MBTPS2: variants seen among roughly 807,000 people sequenced by gnomAD.
The protein encoded by MBTPS2 is membrane bound transcription factor peptidase, site 2.
A neutral mutation model predicts 35.4 loss-of-function variants in MBTPS2; 2 were observed. That is an observed-to-expected ratio of 0.06 (90% CI 0.02 to 0.18). The LOEUF (loss-of-function observed/expected upper bound fraction) is 0.18, where lower values mean the gene tolerates loss of function less well. Ranked by LOEUF, MBTPS2 falls within the 10% of genes least tolerant of loss-of-function variation. The probability of loss-of-function intolerance (pLI) is 1.00; values close to 1 mark genes in which losing one functional copy is unlikely to be tolerated. For missense variants in MBTPS2, 244 were observed against 386.5 expected, an observed-to-expected ratio of 0.63 and a Z score of 3.09; for synonymous variants, 125 against 140.4, an observed-to-expected ratio of 0.89 and a Z score of 0.77.
intron 5 of MBTPS2, among the ~76,000 whole-genome samples, chrX:21,862,937 T>C (rs1172910395): frequency 3.8e-5 from 1 of 26,534 alleles, no homozygotes; most frequent in African/African-American, 3.1e-4. Flanking sequence ...TATAAACATA[T>C]ATATATATAT....
Position 21,862,864 on chromosome X carries a change from A to G in MBTPS2, c.671-5603A>G, listed in dbSNP as rs575062535. Among the ~76,000 whole-genome samples, 431 of 91,193 alleles carry G rather than the reference A, an allele frequency of 4.7e-3. 3 individuals are homozygous for G. Among genetic ancestry groups the G allele is most frequent in the Middle Eastern group, 0.011 (2 of 190 alleles). 79.2% of individuals were successfully genotyped at this position (91,193 alleles called of 115,157 possible). ...AACATATATATATATACACATATATATAAACATATATAAATATATATACAC... is the reference window on the plus strand; with the variant it reads ...AACATATATATATATACACATATATGTAAACATATATAAATATATATACAC... On this transcript the variant is annotated intron_variant, in intron 5 of 10. Transcript: ENST00000379484.
At chrX:21,874,020 CT>C (rs57913652) in intron 7 of MBTPS2, among the ~76,000 whole-genome samples, 9,016 of 50,766 alleles carry the variant, frequency 0.18, 566 homozygotes, top group East Asian at 0.34. Flanking sequence ...TATATATATA[CT>C]TTTTTTTTTT....
chrX:21,877,022 A>G (rs1307882777), intron 7 of MBTPS2, among the ~76,000 whole-genome samples: 1 of 111,957 alleles, frequency 8.9e-6, no homozygotes. Flanking sequence ...ATACTTTACC[A>G]GTTTGATGTG....
intron 5 of MBTPS2, among the ~76,000 whole-genome samples, chrX:21,862,836 A>T (rs1451815163): frequency 1.1e-3 from 108 of 94,789 alleles, no homozygotes; most frequent in Non-Finnish European, 1.3e-3. Flanking sequence ...TATATATATA[A>T]AAAACATATA....
chrX:21,866,606 T>A (rs1305065107), intron 5 of MBTPS2, among the ~76,000 whole-genome samples: 1 of 111,783 alleles, frequency 8.9e-6, no homozygotes, highest in South Asian at 3.7e-4. Flanking sequence ...AGGGCCTATA[T>A]AGAGAAACTA....
Position 21,839,619 on chromosome X carries a change from C to G in MBTPS2, c.-116C>G. On this transcript the variant is annotated 5_prime_UTR_variant, in exon 1 of 11. Coordinates refer to ENST00000379484, the MANE Select transcript of MBTPS2 (RefSeq NM_015884.4). The stretch of plus-strand genomic sequence containing the variant: ...CGTGCCACCGCAAGGAAGGAGCCGG[C>G]GGTAGCTTGGTTCCTGAGCGGATGC... The G allele has an allele frequency of 1.3e-6, 1 of 744,041 alleles. No individual in the cohort carries two copies. The highest frequency in any genetic ancestry group is 2.0e-6 in the Non-Finnish European group (1 of 489,219). The allele number at this position is 744,041 out of a possible 1,213,427, so 61.3% of individuals were successfully genotyped here.
At chrX:21,849,229 A>G (rs188836460) in intron 3 of MBTPS2, among the ~76,000 whole-genome samples, 1 of 112,337 alleles carries the variant, frequency 8.9e-6, no homozygotes, top group East Asian at 2.8e-4. Context: ...AAAACAAAGT[A>G]AAATTAAAAG....
At chrX:21,866,070 G>A (rs2092939342) in intron 5 of MBTPS2, among the ~76,000 whole-genome samples, 1 of 111,264 alleles carries the variant, frequency 9.0e-6, no homozygotes, top group Admixed American at 9.6e-5. Context: ...CTCCCAAAAT[G>A]CTGGGATTAC....
chrX:21,843,099 G>A, intron 1 of MBTPS2, 71 bp from the exon 2 acceptor site: 1 of 852,452 alleles, frequency 1.2e-6, no homozygotes, highest in Non-Finnish European at 1.8e-6. Flanking sequence ...AAAATACTTT[G>A]TGTTATTTTC....
At chrX:21,842,471 C>G (rs746473036) in intron 1 of MBTPS2, among the ~76,000 whole-genome samples, 37 of 109,186 alleles carry the variant, frequency 3.4e-4, no homozygotes, top group Middle Eastern at 9.6e-3. Context: ...GCTTCTGGAC[C>G]AGTGCTGTCC....
chrX:21,843,409 A>T, intron 2 of MBTPS2, 91 bp downstream of exon 2: 1 of 904,863 alleles, frequency 1.1e-6, no homozygotes. Context: ...ATTACTTTGC[A>T]GTTTTCTGAG....
rs964450340 is a variant in MBTPS2, at chrX:21,884,938, T to C, written c.*2283T>C. On this transcript the variant is annotated 3_prime_UTR_variant, in exon 11 of 11. Transcript: ENST00000379484. Reference sequence around the variant, plus strand: ...TCATCTTCATGGAAAGAATCCACTGTGGTTTCTGTAGAGTGATTGGAAAAA... The same window carrying C: ...TCATCTTCATGGAAAGAATCCACTGCGGTTTCTGTAGAGTGATTGGAAAAA... The C allele has an allele frequency of 1.3e-6, 1 of 753,764 alleles. No individual in the cohort carries two copies. 62.1% of individuals were successfully genotyped at this position (753,764 alleles called of 1,213,427 possible).
At chrX:21,859,186 T>TA (rs898126538) in intron 5 of MBTPS2, among the ~76,000 whole-genome samples, 1 of 112,115 alleles carries the variant, frequency 8.9e-6, no homozygotes. Flanking sequence ...TTTTAAATTG[T>TA]AAAAAAATTC....
rs772173702 is a variant in MBTPS2, at chrX:21,864,809, G to A, written c.671-3658G>A. Among the ~76,000 whole-genome samples, 17 of 110,627 alleles carry A rather than the reference G, an allele frequency of 1.5e-4. No homozygotes were observed. In the South Asian group the frequency reaches 6.2e-3, roughly 40 times the overall value. On this transcript the variant is annotated intron_variant, in intron 5 of 10. Transcript: ENST00000379484. Reference sequence around the variant, plus strand: ...CTGCACTCCAGCTGGATGACAGAGTGAGAACTCTGTTTCAAAAGCAAAATA... The same window carrying A: ...CTGCACTCCAGCTGGATGACAGAGTAAGAACTCTGTTTCAAAAGCAAAATA...
intron 5 of MBTPS2, among the ~76,000 whole-genome samples, chrX:21,860,761 A>T (rs1410480407): frequency 4.5e-5 from 5 of 112,262 alleles, no homozygotes; most frequent in Admixed American, 9.5e-5. Context: ...GTTGGGGGGA[A>T]TTCATAGTAG....
chrX:21,851,672 G>A lies in MBTPS2; in HGVS notation c.542+60G>A. ...CAAAAAAAAGCTTTTCATTTAGGAGGATTTATTACTAAAATCTGCTATATT... is the reference window on the plus strand; with the variant it reads ...CAAAAAAAAGCTTTTCATTTAGGAGAATTTATTACTAAAATCTGCTATATT... On this transcript the variant is annotated intron_variant, in intron 4 of 10. Transcript: ENST00000379484. 5.2e-6 allele frequency: 4 copies of A among 768,442 alleles called. No homozygotes were observed. In the South Asian group the frequency reaches 8.3e-5, roughly 16 times the overall value. 63.3% of individuals were successfully genotyped at this position (768,442 alleles called of 1,213,427 possible).
chrX:21,881,692 T>C (rs1602155469), intron 10 of MBTPS2, among the ~76,000 whole-genome samples: 1 of 111,236 alleles, frequency 9.0e-6, no homozygotes. Context: ...TCCCAGCACT[T>C]TGGGAGGCCG....
At chrX:21,853,004 C>A (rs1231129496) in intron 4 of MBTPS2, among the ~76,000 whole-genome samples, 2 of 110,980 alleles carry the variant, frequency 1.8e-5, no homozygotes, top group Non-Finnish European at 3.8e-5. Flanking sequence ...CTCCTATGTT[C>A]TTCTCTGAAA....
intron 3 of MBTPS2, among the ~76,000 whole-genome samples, chrX:21,848,833 T>C (rs1312474060): frequency 8.9e-6 from 1 of 112,004 alleles, no homozygotes; most frequent in East Asian, 2.8e-4. Flanking sequence ...AAGGAAGCTT[T>C]TTAGATGAGA....
Sources: gnomAD v4.1 joint callset for allele counts (sites outside exome capture counted in the v4.1 genomes callset) on GRCh38, gnomAD v4.1.1 for gene constraint, MANE v1.5 for transcripts, NCBI Gene and HGNC (gene_info 2026-07-23, HGNC 2026-07-21) for gene names.